Variants in NUCKS1 observed in about 807,000 individuals in gnomAD.
NUCKS1 encodes the protein nuclear casein kinase and cyclin dependent kinase substrate 1, also known as nuclear ubiquitous casein and cyclin-dependent kinase substrate 1.
In NUCKS1, 2 loss-of-function variants were observed where a neutral mutation model predicts 33.0. The ratio of observed to expected loss-of-function variants is 0.06; its 90% CI spans 0.02 to 0.19. The LOEUF (loss-of-function observed/expected upper bound fraction) is 0.19, where lower values mean the gene tolerates loss of function less well. Ranked by LOEUF, NUCKS1 falls within the 10% of genes least tolerant of loss-of-function variation. NUCKS1 has a pLI of 1.00. For synonymous variants in NUCKS1, 106 were observed against 102.8 expected, an observed-to-expected ratio of 1.03 and a Z score of -0.19; for missense variants, 201 against 293.6, an observed-to-expected ratio of 0.68 and a Z score of 2.31.
At chr1:205,720,397 G>C in intron 5 of NUCKS1, 104 bp downstream of exon 5, 1 of 1,129,754 alleles carries the variant, frequency 8.9e-7, no homozygotes, top group East Asian at 2.4e-5. Context: ...CCAATTTAAG[G>C]GACTGGTTGT....
chr1:205,742,720 G>A (rs901693425), intron 1 of NUCKS1, among the ~76,000 whole-genome samples: 3 of 152,302 alleles, frequency 2.0e-5, no homozygotes, highest in Admixed American at 6.5e-5. Flanking sequence ...AGCTACTCGC[G>A]AGGCTGAGGC....
chr1:205,733,974 A>C (rs1653977063), intron 1 of NUCKS1, among the ~76,000 whole-genome samples: 1 of 152,108 alleles, frequency 6.6e-6, no homozygotes. Flanking sequence ...TCCTGAGCTC[A>C]AGTGATCCTC....
rs777618695 is a variant in NUCKS1 at position 205,719,675 on chromosome 1, TTC to T, written c.383-1_383del. The stretch of plus-strand genomic sequence containing the variant: ...GGAAATCTTCATCGCTGCCGGAATC[TTC>T]TGAGAAGAAAGAAGAATTTCAACAT... On this transcript the variant is annotated splice_acceptor_variant and coding_sequence_variant, in exon 6 of 7. Coordinates refer to ENST00000367142, the MANE Select transcript of NUCKS1 (RefSeq NM_022731.5). LOFTEE classifies it high-confidence loss of function. The T allele has an allele frequency of 6.2e-7, 1 of 1,603,978 alleles. No homozygotes were observed. Among genetic ancestry groups the T allele is most frequent in the Non-Finnish European group, 8.5e-7 (1 of 1,177,454 alleles).
Position 205,717,260 on chromosome 1 carries a change from T to G in NUCKS1, c.*1020A>C. 2.1e-6 allele frequency: 2 copies of G among 962,282 alleles called. No individual in the cohort carries two copies. The highest frequency in any genetic ancestry group is 2.5e-6 in the Non-Finnish European group (2 of 807,040). 59.6% of individuals were successfully genotyped at this position (962,282 alleles called of 1,614,324 possible). A position where few individuals can be genotyped will look rare whatever the true frequency, so the allele number is the denominator to read the frequency against. On this transcript the variant is annotated 3_prime_UTR_variant, in exon 7 of 7. Coordinates refer to ENST00000367142, the MANE Select transcript of NUCKS1 (RefSeq NM_022731.5). Reference sequence around the variant, plus strand: ...ATAAAAGAATGTCAATTCTATTTCATAAAGGAAAAATCTCAACTCTTTGTG... The same window carrying G: ...ATAAAAGAATGTCAATTCTATTTCAGAAAGGAAAAATCTCAACTCTTTGTG...
rs1183889539 is a variant in NUCKS1, at chr1:205,746,831, C to T, written c.17+3126G>A. On this transcript the variant is annotated intron_variant, in intron 1 of 6. Coordinates refer to ENST00000367142, the MANE Select transcript of NUCKS1 (RefSeq NM_022731.5). ...AAATTTTCAATGGTAAGGTTCCTTA[C>T]AATCTCAAGTGTTAAACAAAAGGTA... 7.2e-5 allele frequency among the ~76,000 whole-genome samples: 11 copies of T among 152,168 alleles called. No individual in the cohort carries two copies. The East Asian group carries it at 1.7e-3, about 24-fold the overall frequency.
At position 205,723,910 on chromosome 1, in the gene NUCKS1, TA is replaced by T; in HGVS notation, c.229+15del. On this transcript the variant is annotated intron_variant, in intron 4 of 6. Coordinates refer to ENST00000367142, the MANE Select transcript of NUCKS1 (RefSeq NM_022731.5). ...CAAATATAATTATACCTCTTACATT[TA>T]AAATAGTTTACTACCTGCTGAGTGA... The T allele has an allele frequency of 6.4e-7, 1 of 1,550,916 alleles. No homozygotes were observed. The highest frequency in any genetic ancestry group is 8.9e-7 in the Non-Finnish European group (1 of 1,124,192).
At chr1:205,718,743 A>T (rs2102429185) in intron 6 of NUCKS1, among the ~76,000 whole-genome samples, 1 of 152,332 alleles carries the variant, frequency 6.6e-6, no homozygotes, top group African/African-American at 2.4e-5. Context: ...TAATACCTGT[A>T]AAGAAGAAGC....
chr1:205,747,770 T>C (rs1030778852), intron 1 of NUCKS1, among the ~76,000 whole-genome samples: 1 of 152,238 alleles, frequency 6.6e-6, no homozygotes, highest in African/African-American at 2.4e-5. Flanking sequence ...TTAAATGCAC[T>C]AAGGGAATAT....
Position 205,720,522 on chromosome 1 carries a change from C to G in NUCKS1, c.361G>C (p.Asp121His). 1 of 1,614,016 alleles carries G rather than the reference C, an allele frequency of 6.2e-7. No homozygotes were observed. The change falls in exon 5 of 7, where the codon GAT becomes CAT. Residue 121 changes from aspartate (D) to histidine (H), a missense_variant. Transcript: ENST00000367142. ...VGSEEEQEEE[D>H]EAPFQEKDSG... The stretch of plus-strand genomic sequence containing the variant: ...ATACTCTCCTGGAATGGTGCCTCAT[C>G]CTCCTCTTCTTGTTCTTCCTCACTG...
chr1:205,741,859 T>C (rs1370324245), intron 1 of NUCKS1, among the ~76,000 whole-genome samples: 2 of 152,198 alleles, frequency 1.3e-5, no homozygotes, highest in Admixed American at 6.5e-5. Context: ...AGCTCTGAAG[T>C]TGTAAATCAA....
intron 5 of NUCKS1, 52 bp downstream of exon 5, chr1:205,720,449 C>T: frequency 1.3e-6 from 2 of 1,569,624 alleles, no homozygotes; most frequent in South Asian, 1.2e-5. Flanking sequence ...ACCAAGGTCA[C>T]AAACTACAAT....
rs560488981 is a variant in NUCKS1, at chr1:205,741,332, A to G, written c.17+8625T>C. 8.6e-5 allele frequency among the ~76,000 whole-genome samples: 13 copies of G among 151,832 alleles called. No homozygotes were observed. The East Asian group carries it at 9.7e-4, about 11-fold the overall frequency. On this transcript the variant is annotated intron_variant, in intron 1 of 6. Coordinates refer to ENST00000367142, the MANE Select transcript of NUCKS1 (RefSeq NM_022731.5). ...AAAAAAAAAAAAAGAAAAGAAAAGA[A>G]AGAAAAAGTCACATACAAATTTCAA...
In NUCKS1 at chr1:205,715,588, G is replaced by A. The variant is rs1426976156; in HGVS notation, c.*2692C>T. On this transcript the variant is annotated 3_prime_UTR_variant, in exon 7 of 7. Coordinates refer to ENST00000367142, the MANE Select transcript of NUCKS1 (RefSeq NM_022731.5). ...AGTATGCTACGTATGTCTAGCTGGG[G>A]AAGGGGGGATCTGGAAAAAAAATCT... 1 of 152,248 alleles carries A rather than the reference G, an allele frequency of 6.6e-6. No homozygotes were observed. The highest frequency in any genetic ancestry group is 2.4e-5 in the African/African-American group (1 of 41,452). 9.4% of individuals were successfully genotyped at this position (152,248 alleles called of 1,614,324 possible).
intron 1 of NUCKS1, among the ~76,000 whole-genome samples, chr1:205,744,599 T>C (rs1005681161): frequency 6.6e-6 from 1 of 150,820 alleles, no homozygotes; most frequent in Non-Finnish European, 1.5e-5. Flanking sequence ...GCCTTTCATA[T>C]CTCAGTGTGA....
chr1:205,734,764 G>A (rs1049949353), intron 1 of NUCKS1, among the ~76,000 whole-genome samples: 3 of 151,928 alleles, frequency 2.0e-5, no homozygotes, highest in African/African-American at 7.3e-5. Context: ...GCGTGGTGGC[G>A]GTCACCTGTA....
rs564974574 is a variant in NUCKS1, at chr1:205,733,338, A to T, written c.18-3717T>A. Among the ~76,000 whole-genome samples, 4 of 152,360 alleles carry T rather than the reference A, an allele frequency of 2.6e-5. No individual in the cohort carries two copies. The South Asian group carries it at 8.3e-4, about 32-fold the overall frequency. On this transcript the variant is annotated intron_variant, in intron 1 of 6. Coordinates refer to ENST00000367142, the MANE Select transcript of NUCKS1 (RefSeq NM_022731.5). ...TTTAGGGCTTTGATGTGAAAGGAGT[A>T]GTAGAGGTACAGCTTAGCTTTAGCA...
chr1:205,720,371 A>T, intron 5 of NUCKS1, 130 bp downstream of exon 5: 1 of 831,642 alleles, frequency 1.2e-6, no homozygotes, highest in Non-Finnish European at 1.9e-6. Flanking sequence ...CATCTCTTTT[A>T]ACACGGAGTA....
chr1:205,749,753 G>C (rs1325122187), intron 1 of NUCKS1, among the ~76,000 whole-genome samples: 4 of 151,248 alleles, frequency 2.6e-5, no homozygotes, highest in Non-Finnish European at 5.9e-5. Flanking sequence ...CGCGGGGCGG[G>C]GAGGGGCGCG....
chr1:205,749,723 A>G (rs538929695), intron 1 of NUCKS1, among the ~76,000 whole-genome samples: 1 of 151,448 alleles, frequency 6.6e-6, no homozygotes, highest in Non-Finnish European at 1.5e-5. Flanking sequence ...GCAGCTGAGC[A>G]GACCGGAGCC....
Sources: gnomAD v4.1 joint callset for allele counts (sites outside exome capture counted in the v4.1 genomes callset) on GRCh38, gnomAD v4.1.1 for gene constraint, MANE v1.5 for transcripts, NCBI Gene and HGNC (gene_info 2026-07-23, HGNC 2026-07-21) for gene names.